The following ARHGAP6 variants were observed in gnomAD, a reference collection of about 807,000 sequenced individuals.
The protein encoded by ARHGAP6 is rho GTPase-activating protein 6.
In ARHGAP6, 16 loss-of-function variants were observed where a neutral mutation model predicts 55.7. The observed-to-expected ratio is 0.29, with a 90% CI of 0.19 to 0.44. The LOEUF is 0.44. ARHGAP6 is among the 20% of genes least tolerant of loss of function. ARHGAP6 has a pLI of 1.00. For missense variants in ARHGAP6, 698 were observed against 808.9 expected, an observed-to-expected ratio of 0.86 and a Z score of 1.66; for synonymous variants, 382 against 360.9, an observed-to-expected ratio of 1.06 and a Z score of -0.66.
At position 11,142,283 on chromosome X, in the gene ARHGAP6, C is replaced by A; in HGVS notation, c.2207G>T (p.Gly736Val). ...GCTTTTTAATGTTGAATGCCAAGTT[C>A]CCCAGATATCGAAAGGCTCCTCTGA... Reference protein sequence around the residue: ...DLSEEPFDIWGTWHSTLKSGS... With the variant: ...DLSEEPFDIWVTWHSTLKSGS... The change falls in exon 12 of 13, where the codon GGA becomes GTA. Residue 736 changes from glycine (G) to valine (V), a missense_variant. Transcript: ENST00000337414. 8.3e-7 allele frequency: 1 copy of A among 1,200,894 alleles called. No individual in the cohort carries two copies. The highest frequency in any genetic ancestry group is 1.8e-5 in the South Asian group (1 of 55,560).
chrX:11,376,148 G>A (rs1167425745), intron 1 of ARHGAP6, among the ~76,000 whole-genome samples: 1 of 111,918 alleles, frequency 8.9e-6, no homozygotes, highest in Non-Finnish European at 1.9e-5. Context: ...AGTGAGATGC[G>A]ATAAGGAGAG....
At chrX:11,155,291 T>G (rs933544492) in intron 10 of ARHGAP6, among the ~76,000 whole-genome samples, 3 of 111,755 alleles carry the variant, frequency 2.7e-5, no homozygotes, top group African/African-American at 9.8e-5. Flanking sequence ...CATTATTTTA[T>G]TTATTTGTTT....
chrX:11,386,097 C>T (rs138185462), intron 1 of ARHGAP6, among the ~76,000 whole-genome samples: 1 of 112,729 alleles, frequency 8.9e-6, no homozygotes, highest in African/African-American at 3.2e-5. Context: ...AGAGCAGGCA[C>T]AGCAAATCTA....
At chrX:11,523,115 C>A (rs1169281254) in intron 1 of ARHGAP6, among the ~76,000 whole-genome samples, 5 of 111,833 alleles carry the variant, frequency 4.5e-5, no homozygotes, top group African/African-American at 1.6e-4. Context: ...AGCATATAAA[C>A]AGAACCAAAG....
chrX:11,252,277 CT>C (rs1379558310), intron 2 of ARHGAP6, among the ~76,000 whole-genome samples: 1 of 112,806 alleles, frequency 8.9e-6, no homozygotes, highest in Non-Finnish European at 1.9e-5. Flanking sequence ...GTTTCAAAAA[CT>C]TTTCAAAGTC....
intron 1 of ARHGAP6, among the ~76,000 whole-genome samples, chrX:11,606,551 C>T (rs1240889843): frequency 1.8e-5 from 2 of 111,274 alleles, no homozygotes; most frequent in Non-Finnish European, 3.8e-5. Flanking sequence ...TGAATAGATC[C>T]TGATAGGGTC....
In ARHGAP6 at chrX:11,664,622, T is replaced by A; in HGVS notation, c.207A>T (p.Ser69=). Residue 69 remains serine, a synonymous_variant, in exon 1 of 13, where the codon TCA becomes TCT. Transcript: ENST00000337414. ...GATAGRLYSP[S]LPAESLGPRL... is the part of the protein sequence containing the mutation. The stretch of plus-strand genomic sequence containing the variant: ...GAGGGCCGAGACTCTCGGCTGGGAG[T>A]GATGGGGAGTAGAGGCGGCCCGCCG... 2.6e-6 allele frequency: 3 copies of A among 1,165,256 alleles called. No individual in the cohort carries two copies. The highest frequency in any genetic ancestry group is 3.4e-6 in the Non-Finnish European group (3 of 872,964).
intron 1 of ARHGAP6, among the ~76,000 whole-genome samples, chrX:11,440,854 C>T (rs1450053109): frequency 1.8e-5 from 2 of 112,211 alleles, no homozygotes; most frequent in Non-Finnish European, 3.8e-5. Context: ...CATCAGGAAT[C>T]AATTACAATG....
chrX:11,258,287 A>G (rs745488945), intron 1 of ARHGAP6, among the ~76,000 whole-genome samples: 15 of 110,142 alleles, frequency 1.4e-4, no homozygotes, highest in African/African-American at 5.0e-4. Flanking sequence ...TTAGAACCAC[A>G]TAGATGCTAG....
intron 1 of ARHGAP6, among the ~76,000 whole-genome samples, chrX:11,421,608 G>T (rs1201844473): frequency 8.9e-6 from 1 of 112,097 alleles, no homozygotes; most frequent in Admixed American, 9.4e-5. Context: ...ACAAAGGACT[G>T]CTCTGAAAAC....
chrX:11,353,576 G>GTA (rs1362457867), intron 1 of ARHGAP6, among the ~76,000 whole-genome samples: 1 of 105,154 alleles, frequency 9.5e-6, no homozygotes, highest in Non-Finnish European at 2.0e-5. Flanking sequence ...GTGTGTGTGT[G>GTA]TGTGTGTGTG....
At chrX:11,149,039 A>G (rs1051551519) in intron 10 of ARHGAP6, among the ~76,000 whole-genome samples, 1 of 112,000 alleles carries the variant, frequency 8.9e-6, no homozygotes, top group African/African-American at 3.3e-5. Flanking sequence ...CCCCACTTCA[A>G]AGAGGAACTG....
intron 1 of ARHGAP6, among the ~76,000 whole-genome samples, chrX:11,589,348 G>C (rs1303680612): frequency 9.2e-6 from 1 of 108,735 alleles, no homozygotes; most frequent in East Asian, 2.9e-4. Flanking sequence ...GCCTGCACTG[G>C]AATTTATACT....
intron 2 of ARHGAP6, among the ~76,000 whole-genome samples, chrX:11,245,212 C>G (rs1392335035): frequency 8.9e-6 from 1 of 112,060 alleles, no homozygotes; most frequent in Non-Finnish European, 1.9e-5. Context: ...TTTTCTCTGT[C>G]TATTGACTAG....
chrX:11,430,436 G>C (rs751733334), intron 1 of ARHGAP6, among the ~76,000 whole-genome samples: 1 of 112,306 alleles, frequency 8.9e-6, no homozygotes, highest in Non-Finnish European at 1.9e-5. Flanking sequence ...GAAATGATCA[G>C]TTCATGCTGC....
At chrX:11,209,172 C>T (rs1322674851) in intron 2 of ARHGAP6, among the ~76,000 whole-genome samples, 1 of 112,346 alleles carries the variant, frequency 8.9e-6, no homozygotes, top group Non-Finnish European at 1.9e-5. Flanking sequence ...GACAGAGTCT[C>T]ACTCTGTTGC....
intron 1 of ARHGAP6, among the ~76,000 whole-genome samples, chrX:11,415,567 C>T (rs187847929): frequency 8.9e-6 from 1 of 112,238 alleles, no homozygotes; most frequent in African/African-American, 3.2e-5. Context: ...CTCTTCATCC[C>T]TCGTTGCTTC....
intron 2 of ARHGAP6, among the ~76,000 whole-genome samples, chrX:11,203,204 G>A (rs2046657374): frequency 8.9e-6 from 1 of 111,946 alleles, no homozygotes; most frequent in South Asian, 3.7e-4. Context: ...GCTCTTCTAG[G>A]TGTAAACATT....
intron 1 of ARHGAP6, among the ~76,000 whole-genome samples, chrX:11,283,180 C>T (rs1375095904): frequency 8.9e-6 from 1 of 111,919 alleles, no homozygotes; most frequent in Non-Finnish European, 1.9e-5. Flanking sequence ...TCATATCGTG[C>T]TCTATGTGCC....
Sources: gnomAD v4.1 joint callset for allele counts (sites outside exome capture counted in the v4.1 genomes callset) on GRCh38, gnomAD v4.1.1 for gene constraint, MANE v1.5 for transcripts, NCBI Gene and HGNC (gene_info 2026-07-23, HGNC 2026-07-21) for gene names.